The following EIF2AK1 variants were observed in gnomAD, a reference collection of about 807,000 sequenced individuals.
The protein encoded by EIF2AK1 is eukaryotic translation initiation factor 2 alpha kinase 1.
In EIF2AK1, 54 loss-of-function variants were observed where a neutral mutation model predicts 77.9. That is an observed-to-expected ratio of 0.69 (90% CI 0.56 to 0.87). The LOEUF is 0.87. Ranked by LOEUF, EIF2AK1 falls within the 40% of genes least tolerant of loss-of-function variation. EIF2AK1 has a pLI of 0.00. For synonymous variants in EIF2AK1, 314 were observed against 290.5 expected, an observed-to-expected ratio of 1.08 and a Z score of -0.82; for missense variants, 810 against 768.6, an observed-to-expected ratio of 1.05 and a Z score of -0.64.
Position 6,049,795 on chromosome 7 carries a change from A to T in EIF2AK1, c.411+117T>A. On this transcript the variant is annotated intron_variant, in intron 3 of 14. Transcript: ENST00000199389. Reference sequence around the variant, plus strand: ...AGCCACACCACCATGCCTGGCCTAGAGTTTATACTTTTAAAAACTTGTTTT... The same window carrying T: ...AGCCACACCACCATGCCTGGCCTAGTGTTTATACTTTTAAAAACTTGTTTT... 3.9e-6 allele frequency: 4 copies of T among 1,027,360 alleles called. No homozygotes were observed. The South Asian group carries it at 6.1e-5, about 16-fold the overall frequency. The allele number at this position is 1,027,360 out of a possible 1,614,324, so 63.6% of individuals were successfully genotyped here.
chr7:6,050,124 C>T (rs553443068), intron 2 of EIF2AK1, 79 bp from the exon 3 acceptor site: 18 of 1,158,682 alleles, frequency 1.6e-5, no homozygotes, highest in African/African-American at 1.3e-4. Flanking sequence ...CAGAGAATAA[C>T]GTGTAATAAT....
At chr7:6,048,262 C>T (rs1249747005) in intron 4 of EIF2AK1, among the ~76,000 whole-genome samples, 2 of 152,158 alleles carry the variant, frequency 1.3e-5, no homozygotes, top group Admixed American at 1.3e-4. Context: ...ACCCCACTCC[C>T]TGAAAACCAC....
intron 2 of EIF2AK1, among the ~76,000 whole-genome samples, chr7:6,054,315 C>T (rs1224934488): frequency 1.3e-5 from 2 of 152,040 alleles, no homozygotes; most frequent in African/African-American, 2.4e-5. Flanking sequence ...ACTGATTCTC[C>T]GCCTCAGCCT....
intron 3 of EIF2AK1, 134 bp downstream of exon 3, chr7:6,049,778 C>T: frequency 1.2e-6 from 1 of 840,664 alleles, no homozygotes. Flanking sequence ...TGAGCCACAC[C>T]ACCATGCCTG....
intron 14 of EIF2AK1, among the ~76,000 whole-genome samples, chr7:6,025,090 C>T (rs1351835106): frequency 2.0e-5 from 3 of 152,106 alleles, no homozygotes; most frequent in Admixed American, 2.0e-4. Context: ...CCACCCGCCT[C>T]GACCTCCCAA....
At chr7:6,055,747 G>A (rs891166212) in intron 1 of EIF2AK1, among the ~76,000 whole-genome samples, 1 of 151,284 alleles carries the variant, frequency 6.6e-6, no homozygotes, top group Non-Finnish European at 1.5e-5. Context: ...TTGAGAGGCC[G>A]AGGCAGGCAG....
chr7:6,045,970 C>T, intron 6 of EIF2AK1, 101 bp downstream of exon 6: 3 of 628,968 alleles, frequency 4.8e-6, no homozygotes, highest in Non-Finnish European at 7.8e-6. Context: ...TGGAAATCCA[C>T]ACCGCCTACT....
chr7:6,058,714 C>A (rs1562763395), intron 1 of EIF2AK1, among the ~76,000 whole-genome samples: 2 of 152,198 alleles, frequency 1.3e-5, no homozygotes, highest in Admixed American at 6.5e-5. Flanking sequence ...GCCTCAGTCC[C>A]CAGAGAGGAA....
chr7:6,041,355 A>G (rs912352598), intron 8 of EIF2AK1, 136 bp from the exon 9 acceptor site: 14 of 873,302 alleles, frequency 1.6e-5, no homozygotes, highest in Non-Finnish European at 2.2e-5. Context: ...CTTACCCAAC[A>G]TGGTAAAACC....
intron 5 of EIF2AK1, 125 bp from the exon 6 acceptor site, chr7:6,046,276 G>A (rs1788442387): frequency 6.1e-6 from 3 of 495,278 alleles, no homozygotes; most frequent in East Asian, 7.2e-5. Context: ...CTAAAGACAT[G>A]TCTCCTTACT....
rs933554517 is a variant in EIF2AK1, at chr7:6,026,636, G to A, written c.1764+92C>T. ...CCATCATCTGGCTCTTCCAGCCCCAGCCTCCGGGGGCACCACCCAACCGCT... is the reference window on the plus strand; with the variant it reads ...CCATCATCTGGCTCTTCCAGCCCCAACCTCCGGGGGCACCACCCAACCGCT... On this transcript the variant is annotated intron_variant, in intron 14 of 14. Coordinates refer to ENST00000199389, the MANE Select transcript of EIF2AK1 (RefSeq NM_014413.4). 40 of 999,716 alleles carry A rather than the reference G, an allele frequency of 4.0e-5. 1 individual carries two copies. The South Asian group carries it at 5.1e-4, about 13-fold the overall frequency. The allele number at this position is 999,716 out of a possible 1,614,324, so 61.9% of individuals were successfully genotyped here.
At chr7:6,043,709 G>A (rs1355175861) in intron 7 of EIF2AK1, among the ~76,000 whole-genome samples, 1 of 151,714 alleles carries the variant, frequency 6.6e-6, no homozygotes, top group Non-Finnish European at 1.5e-5. Flanking sequence ...TTACAGCCAT[G>A]AGCCACACTG....
At chr7:6,052,224 A>C (rs1788628823) in intron 2 of EIF2AK1, among the ~76,000 whole-genome samples, 1 of 151,980 alleles carries the variant, frequency 6.6e-6, no homozygotes. Context: ...AGGAATTCAA[A>C]ATTATCTTAA....
chr7:6,057,955 T>A (rs1347206370), intron 1 of EIF2AK1, among the ~76,000 whole-genome samples: 1 of 152,168 alleles, frequency 6.6e-6, no homozygotes, highest in Non-Finnish European at 1.5e-5. Context: ...CACAATTTAA[T>A]TTTTAATATT....
chr7:6,056,460 G>C (rs113795092), intron 1 of EIF2AK1, among the ~76,000 whole-genome samples: 1 of 149,928 alleles, frequency 6.7e-6, no homozygotes, highest in African/African-American at 2.5e-5. Flanking sequence ...TGGGTGTGGT[G>C]GCAGACGCCT....
At position 6,024,409 on chromosome 7, in the gene EIF2AK1, C is replaced by G; in HGVS notation, c.*264G>C. The stretch of plus-strand genomic sequence containing the variant: ...AGAGGAAGACCAGACAGAGGGTCAA[C>G]AGAGTTGAAAGGAGAAAATAATTGA... On this transcript the variant is annotated 3_prime_UTR_variant, in exon 15 of 15. Transcript: ENST00000199389. 7.5e-7 allele frequency: 1 copy of G among 1,326,884 alleles called. No individual in the cohort carries two copies. The highest frequency in any genetic ancestry group is 9.7e-7 in the Non-Finnish European group (1 of 1,035,754). The allele number at this position is 1,326,884 out of a possible 1,614,324, so 82.2% of individuals were successfully genotyped here. A position where few individuals can be genotyped will look rare whatever the true frequency, so the allele number is the denominator to read the frequency against.
chr7:6,031,161 G>C (rs551733364), intron 11 of EIF2AK1, among the ~76,000 whole-genome samples: 3 of 152,268 alleles, frequency 2.0e-5, no homozygotes, highest in East Asian at 3.9e-4. Context: ...TTTTATGATA[G>C]AGTAGAAAAC....
chr7:6,026,895 G>C lies in EIF2AK1; in HGVS notation c.1597C>G (p.Arg533Gly). 5 of 1,614,034 alleles carry C rather than the reference G, an allele frequency of 3.1e-6. No homozygotes were observed. The highest frequency in any genetic ancestry group is 4.2e-6 in the Non-Finnish European group (5 of 1,180,010). ...LFQPFGTEME[R>G]AEVLTGLRTG... ...CTTAAACCTGTTAGAACTTCTGCTC[G>C]CTCCATTTCTGTTCCAAACGGCTGA... The change falls in exon 14 of 15, where the codon CGA becomes GGA. Residue 533 changes from arginine to glycine, a missense_variant. This residue lies in a region of EIF2AK1 where 549 missense variants were observed against 533.7 expected (regional missense o/e 1.03). Coordinates refer to ENST00000199389, the MANE Select transcript of EIF2AK1 (RefSeq NM_014413.4).
rs757843656 is a variant in EIF2AK1 at position 6,047,109 on chromosome 7, A to T, written c.450-18T>A. On this transcript the variant is annotated intron_variant, in intron 4 of 14. Transcript: ENST00000199389. ...CCCTTGATCTGAAAGTTAAATACAA[A>T]CAATCAATATTAAAACATGAGAGAA... The T allele has an allele frequency of 6.3e-7, 1 of 1,596,014 alleles. No homozygotes were observed. The highest frequency in any genetic ancestry group is 8.6e-7 in the Non-Finnish European group (1 of 1,164,278).
Sources: allele counts gnomAD v4.1 joint callset (sites outside exome capture counted in the v4.1 genomes callset), GRCh38; gene constraint gnomAD v4.1.1; regional missense constraint gnomAD v4.1.1; transcripts MANE v1.5; gene names NCBI Gene and HGNC (gene_info 2026-07-23, HGNC 2026-07-21).